CKAP5: variants seen among roughly 807,000 people sequenced by gnomAD.
The protein encoded by CKAP5 is cytoskeleton-associated protein 5.
Under a neutral mutation model 232.8 loss-of-function variants are expected in CKAP5, and 27 were observed. That is an observed-to-expected ratio of 0.12 (90% CI 0.09 to 0.16). The LOEUF (loss-of-function observed/expected upper bound fraction) is 0.16. Among genes scored for constraint, CKAP5 ranks in the 10% least tolerant of loss-of-function variants. CKAP5 has a pLI of 1.00. For missense variants in CKAP5, 1,838 were observed against 2,424.7 expected, an observed-to-expected ratio of 0.76 and a Z score of 5.08; for synonymous variants, 785 against 841.1, an observed-to-expected ratio of 0.93 and a Z score of 1.16.
chr11:46,801,453 T>G, intron 8 of CKAP5, 149 bp from the exon 9 acceptor site: 1 of 554,722 alleles, frequency 1.8e-6, no homozygotes, highest in Non-Finnish European at 3.3e-6. Flanking sequence ...GTGGACCACC[T>G]GAGGTCAGGA....
At chr11:46,822,508 G>A (rs183403973) in intron 1 of CKAP5, among the ~76,000 whole-genome samples, 1 of 152,076 alleles carries the variant, frequency 6.6e-6, no homozygotes, top group Admixed American at 6.5e-5. Flanking sequence ...AATCCCAGCA[G>A]TCTGGGAGGC....
rs2065409549 is a variant in CKAP5 at position 46,787,877 on chromosome 11, G to A, written c.1968+804C>T. ...ATTTTCTTCTGCCTCTGCCACTCCT[G>A]AAACAGCAAGACAAACCCCTTTTCT... On this transcript the variant is annotated intron_variant, in intron 16 of 43. Transcript: ENST00000529230. 2.0e-5 allele frequency among the ~76,000 whole-genome samples: 3 copies of A among 152,196 alleles called. No individual in the cohort carries two copies. The South Asian group carries it at 6.2e-4, about 32-fold the overall frequency.
At chr11:46,845,793 T>C (rs987906827) in intron 1 of CKAP5, among the ~76,000 whole-genome samples, 1 of 152,210 alleles carries the variant, frequency 6.6e-6, no homozygotes, top group East Asian at 1.9e-4. Flanking sequence ...GACAAGGCCC[T>C]TCGCAACCAC....
Position 46,762,687 on chromosome 11 carries a change from T to C in CKAP5, c.3967A>G (p.Ser1323Gly). The C allele has an allele frequency of 6.2e-7, 1 of 1,614,154 alleles. No homozygotes were observed. The highest frequency in any genetic ancestry group is 8.5e-7 in the Non-Finnish European group (1 of 1,179,954). Residue 1323 changes from serine to glycine, a missense_variant, in exon 31 of 44, where the codon AGC (serine) becomes GGC (glycine). Coordinates refer to ENST00000529230, the MANE Select transcript of CKAP5 (RefSeq NM_001008938.4). ...LNRMCLVYPASKMFPFIMEGT... is the reference protein window; with the variant it reads ...LNRMCLVYPAGKMFPFIMEGT... ...TCCATGATAAAGGGAAACATCTTGC[T>C]AGCTGGGTAGACAAGGCACATCCGG... is the stretch of plus-strand genomic sequence containing the variant.
intron 3 of CKAP5, 133 bp from the exon 4 acceptor site, chr11:46,816,537 T>C: frequency 4.6e-6 from 3 of 650,006 alleles, no homozygotes; most frequent in Non-Finnish European, 5.2e-6. Context: ...TTTAAATTTA[T>C]GTTCAAGAAT....
chr11:46,766,826 A>G (rs1318433613), intron 27 of CKAP5, among the ~76,000 whole-genome samples: 1 of 152,152 alleles, frequency 6.6e-6, no homozygotes, highest in Non-Finnish European at 1.5e-5. Flanking sequence ...AAATTGTCCA[A>G]CTCTCCATGA....
rs866663283 is a variant in CKAP5, at chr11:46,768,730, C to T, written c.3323-1067G>A. ...CTGGGTAGCTGGGACCACAGGTGTG[C>T]GCCACCAAGACTAGCTAATTTTTGT... On this transcript the variant is annotated intron_variant, in intron 26 of 43. Coordinates refer to ENST00000529230, the MANE Select transcript of CKAP5 (RefSeq NM_001008938.4). Among the ~76,000 whole-genome samples the T allele has an allele frequency of 1.1e-4, 17 of 151,696 alleles. 1 individual carries two copies. The highest frequency in any genetic ancestry group is 8.4e-4 in the South Asian group (4 of 4,788).
At chr11:46,793,029 G>A (rs756099814) in intron 13 of CKAP5, among the ~76,000 whole-genome samples, 4 of 152,112 alleles carry the variant, frequency 2.6e-5, no homozygotes, top group Non-Finnish European at 5.9e-5. Flanking sequence ...TCTACTATAC[G>A]CCAGAAACTA....
chr11:46,804,962 G>A (rs1939120062), intron 8 of CKAP5, among the ~76,000 whole-genome samples: 1 of 151,800 alleles, frequency 6.6e-6, no homozygotes, highest in Admixed American at 6.6e-5. Flanking sequence ...TAGGCCAGGC[G>A]CAGTGGCTCA....
rs759424679 is a variant in CKAP5, at chr11:46,790,144, T to C, written c.1807A>G (p.Thr603Ala). The C allele has an allele frequency of 2.5e-6, 4 of 1,611,298 alleles. No homozygotes were observed. Among genetic ancestry groups the C allele is most frequent in the Admixed American group, 1.7e-5 (1 of 59,898 alleles). ...CTGCTGTCAAGAAGCTGTATACAGG[T>C]AGGGGGAAGAACAGCTGAAGCTTTT... ...EEKASAVLPP[T>A]CIQLLDSSNW... Residue 603 changes from threonine to alanine, a missense_variant, in exon 15 of 44, where the codon ACC becomes GCC. By Grantham distance (58) the Thr-to-Ala change is moderately conservative. Transcript: ENST00000529230.
At chr11:46,817,207 T>C (rs958382337) in intron 3 of CKAP5, among the ~76,000 whole-genome samples, 1 of 151,896 alleles carries the variant, frequency 6.6e-6, no homozygotes, top group Admixed American at 6.5e-5. Context: ...CTCAAACTCC[T>C]GGGCTCAAGC....
chr11:46,811,324 G>C (rs910520544), intron 4 of CKAP5, 146 bp from the exon 5 acceptor site: 2 of 643,274 alleles, frequency 3.1e-6, no homozygotes, highest in Admixed American at 3.3e-5. Context: ...AAAAGAAAAG[G>C]AACTCATAAC....
chr11:46,792,505 A>G (rs1169189258), intron 13 of CKAP5, among the ~76,000 whole-genome samples: 1 of 152,152 alleles, frequency 6.6e-6, no homozygotes, highest in East Asian at 1.9e-4. Context: ...GTGAGATGAA[A>G]TCGTGCCACC....
At chr11:46,766,005 C>A (rs545494132) in intron 27 of CKAP5, among the ~76,000 whole-genome samples, 1 of 152,058 alleles carries the variant, frequency 6.6e-6, no homozygotes, top group Non-Finnish European at 1.5e-5. Flanking sequence ...GAGAAAGTTA[C>A]AAGAAATGCT....
chr11:46,772,738 T>TG (rs1555163067), intron 24 of CKAP5, among the ~76,000 whole-genome samples: 2 of 151,902 alleles, frequency 1.3e-5, no homozygotes, highest in Admixed American at 6.6e-5. Flanking sequence ...TTCCTCTTTT[T>TG]TTTTTTTGTT....
At chr11:46,794,616 T>A (rs1209200656) in intron 13 of CKAP5, among the ~76,000 whole-genome samples, 1 of 152,018 alleles carries the variant, frequency 6.6e-6, no homozygotes, top group Admixed American at 6.6e-5. Flanking sequence ...GGCAGGAGGA[T>A]CACTTGAGGC....
intron 18 of CKAP5, among the ~76,000 whole-genome samples, chr11:46,782,532 C>T (rs998216025): frequency 6.1e-4 from 93 of 152,088 alleles, no homozygotes; most frequent in African/African-American, 1.9e-3. Context: ...TCAAAATACC[C>T]TTTTACAAGA....
At chr11:46,768,648 C>T (rs757517719) in intron 26 of CKAP5, among the ~76,000 whole-genome samples, 3 of 150,682 alleles carry the variant, frequency 2.0e-5, no homozygotes, top group Non-Finnish European at 2.9e-5. Context: ...GTGGTGCGAT[C>T]GTGGCTCATT....
At position 46,770,668 on chromosome 11, in the gene CKAP5, A is replaced by G; in HGVS notation, c.3186+120T>C. 10 of 860,522 alleles carry G rather than the reference A, an allele frequency of 1.2e-5. No individual in the cohort carries two copies. In the South Asian group the frequency reaches 1.8e-4, roughly 15 times the overall value. 53.3% of individuals were successfully genotyped at this position (860,522 alleles called of 1,614,324 possible). A position where few individuals can be genotyped will look rare whatever the true frequency, so the allele number is the denominator to read the frequency against. ...GGTCTTGAACTCCTGACCTCAGGTA[A>G]TCCACCTGTCTCGGCCTCCCAAAGT... On this transcript the variant is annotated intron_variant, in intron 25 of 43. Transcript: ENST00000529230.
Sources: allele counts gnomAD v4.1 joint callset (sites outside exome capture counted in the v4.1 genomes callset), GRCh38; gene constraint gnomAD v4.1.1; transcripts MANE v1.5; gene names NCBI Gene and HGNC (gene_info 2026-07-23, HGNC 2026-07-21).